SCRG1: variants seen among roughly 807,000 people sequenced by gnomAD.
SCRG1 encodes scrapie-responsive protein 1.
Under a neutral mutation model 7.7 loss-of-function variants are expected in SCRG1, and 3 were observed. The observed-to-expected ratio is 0.39, with a 90% CI of 0.18 to 1.01. SCRG1 has a LOEUF of 1.01. Among genes scored for constraint, SCRG1 ranks in the 50% least tolerant of loss-of-function variants. The pLI, the probability that SCRG1 is intolerant of heterozygous loss-of-function variation, is 0.36. For synonymous variants in SCRG1, 46 were observed against 41.2 expected, an observed-to-expected ratio of 1.12 and a Z score of -0.44; for missense variants, 110 against 117.2, an observed-to-expected ratio of 0.94 and a Z score of 0.28.
At chr4:173,433,370 C>T in the SCRG1 span, among the ~76,000 whole-genome samples, 1 of 152,194 alleles carries the variant, frequency 6.6e-6, no homozygotes, top group Admixed American at 6.5e-5. Context: ...ACTTATTTGA[C>T]CTTCCAAAAA....
chr4:173,475,599 A>C, the SCRG1 span, among the ~76,000 whole-genome samples: 1 of 152,222 alleles, frequency 6.6e-6, no homozygotes, highest in African/African-American at 2.4e-5. Flanking sequence ...TTTTGCATCC[A>C]AAAGGATTAA....
At chr4:173,470,743 A>G in the SCRG1 span, among the ~76,000 whole-genome samples, 1 of 152,368 alleles carries the variant, frequency 6.6e-6, no homozygotes, top group South Asian at 2.1e-4. Flanking sequence ...GCCATAAAAT[A>G]CAAGTTTATT....
chr4:173,476,379 T>TATATATATATATATATAA, the SCRG1 span, among the ~76,000 whole-genome samples: 3 of 137,252 alleles, frequency 2.2e-5, no homozygotes, highest in East Asian at 4.3e-4. Context: ...TATATATATA[T>TATATATATATATATATAA]AATGAATTGA....
the SCRG1 span, among the ~76,000 whole-genome samples, chr4:173,427,179 G>A: frequency 3.9e-5 from 6 of 152,146 alleles, no homozygotes; most frequent in Admixed American, 3.9e-4. Context: ...CCCAGAGCTG[G>A]GCTTCACATG....
At chr4:173,507,671 C>A in the SCRG1 span, among the ~76,000 whole-genome samples, 1 of 152,174 alleles carries the variant, frequency 6.6e-6, no homozygotes, top group African/African-American at 2.4e-5. The surrounding 1 kb of genome is among the most constrained non-coding windows in gnomAD (Gnocchi z 4.4). Context: ...CCACCAGAAC[C>A]ACCATCAACT....
At chr4:173,456,914 G>C in the SCRG1 span, among the ~76,000 whole-genome samples, 1 of 152,168 alleles carries the variant, frequency 6.6e-6, no homozygotes, top group Non-Finnish European at 1.5e-5. Flanking sequence ...CTGACTCTTA[G>C]GGATTCTCAG....
the SCRG1 span, among the ~76,000 whole-genome samples, chr4:173,503,550 G>A: frequency 6.6e-6 from 1 of 152,178 alleles, no homozygotes; most frequent in Non-Finnish European, 1.5e-5. The surrounding 1 kb of genome is among the most constrained non-coding windows in gnomAD (Gnocchi z 6.4). Context: ...CATGGTGAGT[G>A]TTGAGGGGAG....
chr4:173,491,791 T>C, the SCRG1 span, among the ~76,000 whole-genome samples: 1 of 152,148 alleles, frequency 6.6e-6, no homozygotes, highest in African/African-American at 2.4e-5. Flanking sequence ...TTACCTTAAG[T>C]AGTTTAGTGC....
the SCRG1 span, among the ~76,000 whole-genome samples, chr4:173,494,516 C>G: frequency 6.6e-6 from 1 of 152,230 alleles, no homozygotes; most frequent in African/African-American, 2.4e-5. Context: ...CCACTCGGAG[C>G]AAGCAAGGAA....
upstream of SCRG1, among the ~76,000 whole-genome samples, chr4:173,408,920 A>C (rs1377329358): frequency 1.4e-5 from 2 of 141,512 alleles, no homozygotes; most frequent in African/African-American, 5.2e-5. Context: ...GTGAACCCGG[A>C]GGCAGAGCTT....
the SCRG1 span, among the ~76,000 whole-genome samples, chr4:173,483,980 A>G: frequency 4.0e-5 from 4 of 100,442 alleles, 1 homozygote; most frequent in Non-Finnish European, 7.0e-5. Flanking sequence ...TATAATATAT[A>G]GTATATTATA....
At chr4:173,442,367 G>C in the SCRG1 span, among the ~76,000 whole-genome samples, 1 of 152,162 alleles carries the variant, frequency 6.6e-6, no homozygotes, top group Admixed American at 6.5e-5. Context: ...GAGAGTCACT[G>C]CTGGGGCAAA....
the SCRG1 span, among the ~76,000 whole-genome samples, chr4:173,485,133 T>C: frequency 2.0e-5 from 1 of 51,148 alleles, no homozygotes; most frequent in African/African-American, 6.4e-5. Flanking sequence ...ATATATCATA[T>C]ATATTACATA....
the SCRG1 span, chr4:173,469,064 G>A: frequency 6.6e-6 from 1 of 152,132 alleles, no homozygotes; most frequent in Non-Finnish European, 1.5e-5. Context: ...GCCACCCTGT[G>A]TAAACACAGA....
At chr4:173,402,986 CTT>C (rs1739800177), upstream of SCRG1, 1 of 152,154 alleles carries the variant, frequency 6.6e-6, no homozygotes, top group Non-Finnish European at 1.5e-5. Context: ...ATTTTACTAA[CTT>C]ATTTTTGAAC....
the SCRG1 span, among the ~76,000 whole-genome samples, chr4:173,477,724 T>A: frequency 1.8e-5 from 1 of 54,862 alleles, no homozygotes. Context: ...CCTTCCTTCC[T>A]TCCTTCCTTC....
chr4:173,504,340 C>G, the SCRG1 span, among the ~76,000 whole-genome samples: 3 of 152,140 alleles, frequency 2.0e-5, no homozygotes, highest in Non-Finnish European at 2.9e-5. This position sits in a 1 kb window ranked among gnomAD's most constrained non-coding sequence, Gnocchi z 4.7. Flanking sequence ...GGGGGAGGAC[C>G]TATAAGGTAC....
chr4:173,424,824 A>G, the SCRG1 span, among the ~76,000 whole-genome samples: 1 of 151,986 alleles, frequency 6.6e-6, no homozygotes, highest in Non-Finnish European at 1.5e-5. Context: ...CAGGATAATT[A>G]CTTGAACCTG....
the SCRG1 span, among the ~76,000 whole-genome samples, chr4:173,491,369 G>A: frequency 6.6e-6 from 1 of 151,976 alleles, no homozygotes; most frequent in African/African-American, 2.4e-5. Flanking sequence ...AAAACCAAGG[G>A]CAGTTGTTTC....
Sources: allele counts gnomAD v4.1 joint callset (sites outside exome capture counted in the v4.1 genomes callset), GRCh38; gene constraint gnomAD v4.1.1; non-coding constraint Gnocchi (gnomAD v3.1); transcripts MANE v1.5; gene names NCBI Gene and HGNC (gene_info 2026-07-23, HGNC 2026-07-21).